DDX60: variants seen among roughly 807,000 people sequenced by gnomAD.
DDX60 encodes DExD/H-box helicase 60.
In DDX60, 165 loss-of-function variants were observed where a neutral mutation model predicts 212.8. That is an observed-to-expected ratio of 0.78 (90% CI 0.68 to 0.88). DDX60 has a LOEUF of 0.88. Ranked by LOEUF, DDX60 falls within the 40% of genes least tolerant of loss-of-function variation. The pLI is 0.00. For missense variants in DDX60, 1,905 were observed against 2,003.9 expected (o/e 0.95, Z 0.94); for synonymous variants, 703 against 685.3 (o/e 1.03, Z -0.40).
chr4:168,274,595 C>T lies in DDX60; in HGVS notation c.2305-512G>A, dbSNP rs190632909. On this transcript the variant is annotated intron_variant, in intron 16 of 37. Transcript: ENST00000393743. ...GTGGGAAAACAACTCAAAACCCCAACCGGTCCACTCCCGGCCACACCTCAG... is the reference window on the plus strand; with the variant it reads ...GTGGGAAAACAACTCAAAACCCCAATCGGTCCACTCCCGGCCACACCTCAG... Among the ~76,000 whole-genome samples the T allele has an allele frequency of 2.9e-3, 435 of 152,256 alleles. 1 individual carries two copies. The highest frequency in any genetic ancestry group is 4.2e-3 in the Non-Finnish European group (289 of 68,004).
At chr4:168,269,355 T>A (rs181403176) in intron 19 of DDX60, among the ~76,000 whole-genome samples, 1 of 152,158 alleles carries the variant, frequency 6.6e-6, no homozygotes, top group East Asian at 1.9e-4. Context: ...TCCCAGCACT[T>A]TGGGAGGCCG....
At chr4:168,285,937 AAGGG>A (rs1432656108) in intron 10 of DDX60, among the ~76,000 whole-genome samples, 3 of 97,214 alleles carry the variant, frequency 3.1e-5, no homozygotes, top group East Asian at 2.9e-4. Flanking sequence ...GGAAGGAAGG[AAGGG>A]AGGAAGGGAG....
At chr4:168,291,325 G>A (rs995961489) in intron 8 of DDX60, among the ~76,000 whole-genome samples, 1 of 152,072 alleles carries the variant, frequency 6.6e-6, no homozygotes, top group Non-Finnish European at 1.5e-5. Flanking sequence ...GTAGACCTCC[G>A]GGGAAGTTTT....
At chr4:168,324,858 T>C in the DDX60 span, among the ~76,000 whole-genome samples, 1 of 152,146 alleles carries the variant, frequency 6.6e-6, no homozygotes, top group Non-Finnish European at 1.5e-5. Flanking sequence ...TGGAGAAGGG[T>C]AGAAGCAGTT....
chr4:168,256,100 C>G (rs1451463295), intron 25 of DDX60, among the ~76,000 whole-genome samples: 4 of 146,176 alleles, frequency 2.7e-5, no homozygotes, highest in Admixed American at 1.4e-4. Flanking sequence ...CCCACTCCCC[C>G]CCACCCCACC....
intron 25 of DDX60, among the ~76,000 whole-genome samples, chr4:168,259,485 C>T (rs1028788256): frequency 3.9e-5 from 6 of 151,936 alleles, no homozygotes; most frequent in African/African-American, 1.5e-4. Flanking sequence ...TTACATTCAC[C>T]CATCATCGTT....
chr4:168,287,818 A>T (rs535773934), intron 9 of DDX60, among the ~76,000 whole-genome samples: 22 of 152,290 alleles, frequency 1.4e-4, no homozygotes, highest in African/African-American at 4.8e-4. Context: ...GGAAAAAAAT[A>T]AATTTTCTAA....
At chr4:168,229,512 AG>A (rs140210525) in intron 33 of DDX60, among the ~76,000 whole-genome samples, 1,669 of 152,086 alleles carry the variant, frequency 0.011, 25 homozygotes, top group African/African-American at 0.038. Context: ...AACCTGGGGC[AG>A]GGGGGTAAAC....
intron 10 of DDX60, among the ~76,000 whole-genome samples, chr4:168,286,614 C>A (rs569277178): frequency 3.9e-5 from 6 of 152,102 alleles, no homozygotes; most frequent in African/African-American, 1.4e-4. Flanking sequence ...TATTTAAGCC[C>A]CTGCAACTTG....
At chr4:168,264,642 T>C (rs1245140686) in intron 22 of DDX60, among the ~76,000 whole-genome samples, 1 of 152,210 alleles carries the variant, frequency 6.6e-6, no homozygotes, top group Non-Finnish European at 1.5e-5. Flanking sequence ...GCCTGTGACA[T>C]AGATTTCTTA....
intron 6 of DDX60, among the ~76,000 whole-genome samples, chr4:168,299,194 T>C (rs915279772): frequency 1.1e-4 from 15 of 140,434 alleles, no homozygotes; most frequent in Non-Finnish European, 1.8e-4. Context: ...ATCACAAACG[T>C]GCTTTAATCT....
intron 30 of DDX60, among the ~76,000 whole-genome samples, chr4:168,238,045 A>AATAAAGCC (rs1733692163): frequency 6.6e-6 from 1 of 152,012 alleles, no homozygotes; most frequent in Non-Finnish European, 1.5e-5. Flanking sequence ...ATTCCAGTTC[A>AATAAAGCC]AGAGTTTATA....
chr4:168,297,388 GAA>G (rs1736447357), intron 6 of DDX60, among the ~76,000 whole-genome samples: 1 of 93,746 alleles, frequency 1.1e-5, no homozygotes, highest in Non-Finnish European at 2.1e-5. Flanking sequence ...GAAAGAGAAA[GAA>G]AGAAAGAAAG....
At chr4:168,240,228 CA>C (rs1733790658) in intron 30 of DDX60, among the ~76,000 whole-genome samples, 1 of 152,076 alleles carries the variant, frequency 6.6e-6, no homozygotes, top group Non-Finnish European at 1.5e-5. Context: ...ACAATTGCTA[CA>C]AAGAGAATAT....
intron 1 of DDX60, among the ~76,000 whole-genome samples, chr4:168,314,855 AAT>A (rs774014198): frequency 5.3e-4 from 80 of 152,320 alleles, no homozygotes; most frequent in Admixed American, 1.5e-3. Flanking sequence ...AGAACAACAT[AAT>A]GTGTTTAGAT....
intron 4 of DDX60, 107 bp from the exon 5 acceptor site, chr4:168,306,827 G>A (rs1257624356): frequency 2.3e-5 from 19 of 828,066 alleles, no homozygotes; most frequent in Non-Finnish European, 3.4e-5. Context: ...CAACAGTTTT[G>A]TTCTGTCTGA....
At chr4:168,263,645 A>T (rs1447128995) in intron 22 of DDX60, 1 of 151,984 alleles carries the variant, frequency 6.6e-6, no homozygotes, top group African/African-American at 2.4e-5. Context: ...AAGAGACCAC[A>T]GAGATCTCCC....
intron 6 of DDX60, among the ~76,000 whole-genome samples, chr4:168,294,394 G>A (rs1407174391): frequency 6.6e-6 from 1 of 152,134 alleles, no homozygotes; most frequent in East Asian, 1.9e-4. Flanking sequence ...GGCAACAAAA[G>A]CAAAAATAGC....
In DDX60 at chr4:168,226,186, G is replaced by A. The variant is rs1733247971; in HGVS notation, c.4534-510C>T. Among the ~76,000 whole-genome samples, 3 of 151,954 alleles carry A rather than the reference G, an allele frequency of 2.0e-5. No individual in the cohort carries two copies. In the South Asian group the frequency reaches 6.2e-4, roughly 32 times the overall value. ...TTTCATTATGTTCTAGTCAGGTTTT[G>A]GTATTAAAGCTAACTTTTGCCCTTA... is the stretch of plus-strand genomic sequence containing the variant. On this transcript the variant is annotated intron_variant, in intron 33 of 37. Transcript: ENST00000393743.
Sources: gnomAD v4.1 joint callset for allele counts (sites outside exome capture counted in the v4.1 genomes callset) on GRCh38, gnomAD v4.1.1 for gene constraint, MANE v1.5 for transcripts, NCBI Gene and HGNC (gene_info 2026-07-23, HGNC 2026-07-21) for gene names.